SLC24A5: variants seen among roughly 807,000 people sequenced by gnomAD.
The protein encoded by SLC24A5 is sodium/potassium/calcium exchanger 5.
In SLC24A5, 46 loss-of-function variants were observed where a neutral mutation model predicts 51.6. That is an observed-to-expected ratio of 0.89 (90% CI 0.70 to 1.14). SLC24A5 has a LOEUF of 1.14. SLC24A5 is among the 50% of genes most tolerant of loss of function. The pLI, the probability that SLC24A5 is intolerant of heterozygous loss-of-function variation, is 0.00. For missense variants in SLC24A5, 581 were observed against 604.1 expected (o/e 0.96, Z 0.40); for synonymous variants, 230 against 214.9 (o/e 1.07, Z -0.62).
In SLC24A5 at chr15:48,134,894, T is replaced by C; in HGVS notation, c.500T>C (p.Leu167Pro). The C allele has an allele frequency of 3.7e-6, 6 of 1,609,282 alleles. No homozygotes were observed. Among genetic ancestry groups the C allele is most frequent in the African/African-American group, 1.3e-5 (1 of 74,960 alleles). Reference protein sequence around the residue: ...CGLLSNTVSTLSCWPLFRDCA... With the variant: ...CGLLSNTVSTPSCWPLFRDCA... ...CTTACCATATTACAGGTCTCAACACTATCATGTTGGCCCCTATTCAGAGAC... is the reference window on the plus strand; with the variant it reads ...CTTACCATATTACAGGTCTCAACACCATCATGTTGGCCCCTATTCAGAGAC... The change falls in exon 5 of 9, where the codon CTA (leucine) becomes CCA (proline). Residue 167 changes from leucine to proline, a missense_variant. Coordinates refer to ENST00000341459, the MANE Select transcript of SLC24A5 (RefSeq NM_205850.3).
intron 6 of SLC24A5, 29 bp from the exon 7 acceptor site, chr15:48,138,940 C>T (rs762381256): frequency 1.8e-5 from 28 of 1,555,438 alleles, no homozygotes; most frequent in African/African-American, 2.7e-5. Flanking sequence ...TTTGAGAAAA[C>T]TCAAAAGTGT....
chr15:48,137,044 G>T (rs764092588), intron 6 of SLC24A5, 81 bp downstream of exon 6: 5 of 1,431,340 alleles, frequency 3.5e-6, no homozygotes, highest in Non-Finnish European at 4.7e-6. Flanking sequence ...AGCAAGTATT[G>T]TGTGCTTTTT....
rs370973689 is a variant in SLC24A5, at chr15:48,142,041, T to C, written c.1193T>C (p.Met398Thr). ...TTTTCTTTTGTAGGGAAAGGAGATA[T>C]GGCTATGTCTAACATCGTGGGATCC... The part of the protein sequence containing the change: ...VLVARKGKGD[M>T]AMSNIVGSNV... Residue 398 changes from methionine to threonine, a missense_variant, in exon 9 of 9, where the codon ATG becomes ACG. Transcript: ENST00000341459. 4.4e-6 allele frequency: 7 copies of C among 1,608,968 alleles called. No homozygotes were observed. Among genetic ancestry groups the C allele is most frequent in the African/African-American group, 1.3e-5 (1 of 74,698 alleles).
In SLC24A5 at chr15:48,136,607, T is replaced by A. The variant is rs1365406214; in HGVS notation, c.591-76T>A. The A allele has an allele frequency of 2.1e-5, 28 of 1,334,320 alleles. No homozygotes were observed. In the East Asian group the frequency reaches 6.3e-4, roughly 30 times the overall value. The allele number at this position is 1,334,320 out of a possible 1,614,324, so 82.7% of individuals were successfully genotyped here. ...CTACTTTTGTTAGAAAATCATTCAA[T>A]AGATACTGCCCAAAAGCTATCAACT... On this transcript the variant is annotated intron_variant, in intron 5 of 8. Coordinates refer to ENST00000341459, the MANE Select transcript of SLC24A5 (RefSeq NM_205850.3).
chr15:48,136,921 C>G lies in SLC24A5; in HGVS notation c.829C>G (p.Gln277Glu), dbSNP rs147513140. The change falls in exon 6 of 9, where the codon CAG becomes GAG. Residue 277 changes from glutamine (Q) to glutamate (E), a missense_variant. Coordinates refer to ENST00000341459, the MANE Select transcript of SLC24A5 (RefSeq NM_205850.3). The part of the protein sequence containing the change: ...GIFYEDSGYS[Q>E]LSISLHGLSQ... ...ATTTTATGAAGATTCTGGCTACTCTCAGCTCTCTATAAGTTTACATGGCCT... is the reference window on the plus strand; with the variant it reads ...ATTTTATGAAGATTCTGGCTACTCTGAGCTCTCTATAAGTTTACATGGCCT... The G allele has an allele frequency of 1.8e-4, 293 of 1,613,768 alleles. No homozygotes were observed. The African/African-American group carries it at 3.7e-3, about 21-fold the overall frequency.
At chr15:48,124,817 G>A (rs2038714383) in intron 2 of SLC24A5, 3 of 152,158 alleles carry the variant, frequency 2.0e-5, no homozygotes, top group Non-Finnish European at 4.4e-5. Context: ...TTACAGATGT[G>A]TGATTGATGA....
At chr15:48,125,693 G>A (rs1348915693) in intron 2 of SLC24A5, among the ~76,000 whole-genome samples, 2 of 152,108 alleles carry the variant, frequency 1.3e-5, no homozygotes, top group Non-Finnish European at 2.9e-5. Flanking sequence ...TTGGACCTTT[G>A]GCAACCTATA....
At chr15:48,128,831 C>T (rs775446904) in intron 2 of SLC24A5, among the ~76,000 whole-genome samples, 4 of 152,096 alleles carry the variant, frequency 2.6e-5, no homozygotes, top group Non-Finnish European at 5.9e-5. Context: ...TATTTTACCA[C>T]GATGCTATTG....
intron 2 of SLC24A5, among the ~76,000 whole-genome samples, chr15:48,126,767 C>T (rs1050651261): frequency 1.3e-5 from 2 of 152,130 alleles, no homozygotes; most frequent in African/African-American, 4.8e-5. Context: ...AAGGAGGGAG[C>T]CTTTGTCGTC....
chr15:48,137,991 A>T (rs2038943940), intron 6 of SLC24A5: 1 of 152,144 alleles, frequency 6.6e-6, no homozygotes, highest in African/African-American at 2.4e-5. Flanking sequence ...CTAATCTACT[A>T]CTTAAAATTT....
chr15:48,134,942 C>T lies in SLC24A5; in HGVS notation c.548C>T (p.Ala183Val), dbSNP rs2140730889. ...FRDCAAYTIS[A>V]AAVLGIIYDN... ...GACTGTGCAGCGTACACAATTAGTGCAGCAGCAGTTCTTGGTATAATATAT... is the reference window on the plus strand; with the variant it reads ...GACTGTGCAGCGTACACAATTAGTGTAGCAGCAGTTCTTGGTATAATATAT... Residue 183 changes from alanine to valine, a missense_variant, in exon 5 of 9, where the codon GCA (alanine) becomes GTA (valine). Coordinates refer to ENST00000341459, the MANE Select transcript of SLC24A5 (RefSeq NM_205850.3). 3 of 1,612,230 alleles carry T rather than the reference C, an allele frequency of 1.9e-6. No homozygotes were observed. Among genetic ancestry groups the T allele is most frequent in the Non-Finnish European group, 2.5e-6 (3 of 1,178,704 alleles).
rs879676566 is a variant in SLC24A5 at position 48,139,165 on chromosome 15, C to T, written c.1068C>T (p.Val356=). Residue 356 remains valine (V), a synonymous_variant, in exon 7 of 9, where the codon GTC becomes GTT. Coordinates refer to ENST00000341459, the MANE Select transcript of SLC24A5 (RefSeq NM_205850.3). The part of the protein sequence containing the change: ...SAFTYILVWM[V]TITGETLEIP... ...TTACATATATCCTGGTTTGGATGGT[C>T]ACAATAACTGGTATGTATTTTAAGT... 6.2e-7 allele frequency: 1 copy of T among 1,609,654 alleles called. No individual in the cohort carries two copies. Among genetic ancestry groups the T allele is most frequent in the Non-Finnish European group, 8.5e-7 (1 of 1,177,000 alleles).
At chr15:48,133,930 A>G (rs1318102926) in intron 2 of SLC24A5, among the ~76,000 whole-genome samples, 2 of 152,004 alleles carry the variant, frequency 1.3e-5, no homozygotes, top group Non-Finnish European at 2.9e-5. Context: ...AGGATTTCCA[A>G]ATTATCTTAA....
intron 2 of SLC24A5, chr15:48,123,257 T>C (rs940539833): frequency 1.3e-5 from 2 of 151,914 alleles, no homozygotes; most frequent in Non-Finnish European, 2.9e-5. Context: ...ACATCTTATA[T>C]ATAATTGATA....
At chr15:48,129,080 A>T (rs1161351976) in intron 2 of SLC24A5, among the ~76,000 whole-genome samples, 5 of 152,128 alleles carry the variant, frequency 3.3e-5, no homozygotes, top group Non-Finnish European at 7.4e-5. Context: ...AGCAGGTAGA[A>T]ATCCACTGTA....
At chr15:48,121,310 A>G in intron 1 of SLC24A5, 145 bp downstream of exon 1, 1 of 893,482 alleles carries the variant, frequency 1.1e-6, no homozygotes, top group Non-Finnish European at 1.6e-6. Flanking sequence ...AAAAGATATC[A>G]AACACTTTTG....
chr15:48,142,256 G>A lies in SLC24A5; in HGVS notation c.1408G>A (p.Val470Ile), dbSNP rs1426165062. Residue 470 changes from valine (V) to isoleucine (I), a missense_variant, in exon 9 of 9, where the codon GTC becomes ATC. Transcript: ENST00000341459. ...GAAACTAGACAGAAAGTTGGGAATA[G>A]TCTGCCTATTATCATACTTGGGGCT... The part of the protein sequence containing the change: ...GWKLDRKLGI[V>I]CLLSYLGLAT... 5.0e-6 allele frequency: 8 copies of A among 1,613,202 alleles called. No homozygotes were observed. The East Asian group carries it at 8.9e-5, about 18-fold the overall frequency.
At chr15:48,124,825 T>C (rs564167804) in intron 2 of SLC24A5, 13 of 152,196 alleles carry the variant, frequency 8.5e-5, no homozygotes, top group African/African-American at 1.4e-4. Context: ...GTGTGATTGA[T>C]GAATATCCAT....
chr15:48,127,979 G>A (rs995953574), intron 2 of SLC24A5, among the ~76,000 whole-genome samples: 3 of 150,510 alleles, frequency 2.0e-5, no homozygotes, highest in African/African-American at 7.3e-5. Context: ...TTAAATATAA[G>A]CCAATATATA....
Sources: gnomAD v4.1 joint callset for allele counts (sites outside exome capture counted in the v4.1 genomes callset) on GRCh38, gnomAD v4.1.1 for gene constraint, MANE v1.5 for transcripts, NCBI Gene and HGNC (gene_info 2026-07-23, HGNC 2026-07-21) for gene names.